NR3C2: variants seen among roughly 807,000 people sequenced by gnomAD.
NR3C2 encodes the protein nuclear receptor subfamily 3 group C member 2.
A neutral mutation model predicts 86.4 loss-of-function variants in NR3C2; 15 were observed. The observed-to-expected ratio is 0.17, with a 90% CI of 0.12 to 0.27. The LOEUF (loss-of-function observed/expected upper bound fraction) is 0.27. Among genes scored for constraint, NR3C2 ranks in the 10% least tolerant of loss-of-function variants. NR3C2 has a pLI of 1.00. For synonymous variants in NR3C2, 458 were observed against 450.5 expected (o/e 1.02, Z -0.21); for missense variants, 960 against 1,195.6 (o/e 0.80, Z 2.91).
At chr4:148,402,249 T>A (rs1045557876) in intron 2 of NR3C2, among the ~76,000 whole-genome samples, 1 of 152,218 alleles carries the variant, frequency 6.6e-6, no homozygotes, top group Non-Finnish European at 1.5e-5. Flanking sequence ...GATCAAATTA[T>A]GTTTCAGTAA....
intron 3 of NR3C2, among the ~76,000 whole-genome samples, chr4:148,216,954 G>A (rs1737570194): frequency 6.6e-6 from 1 of 152,182 alleles, no homozygotes; most frequent in African/African-American, 2.4e-5. Context: ...AGCCACATTT[G>A]CTGAAAGCCA....
intron 3 of NR3C2, among the ~76,000 whole-genome samples, chr4:148,212,683 G>A (rs1294334367): frequency 1.3e-5 from 2 of 152,190 alleles, no homozygotes; most frequent in Non-Finnish European, 1.5e-5. Context: ...TGAATAAAAT[G>A]AAAATTTAAA....
chr4:148,155,231 G>C (rs576724128), intron 4 of NR3C2, among the ~76,000 whole-genome samples: 1 of 152,148 alleles, frequency 6.6e-6, no homozygotes, highest in Non-Finnish European at 1.5e-5. Context: ...TCAGCCTAGT[G>C]GGGGAGGACT....
rs146611954 is a variant in NR3C2, at chr4:148,243,762, G to A, written c.1897+16216C>T. Among the ~76,000 whole-genome samples the A allele has an allele frequency of 1.9e-3, 292 of 152,262 alleles. 3 individuals are homozygous for A. The highest frequency in any genetic ancestry group is 2.6e-3 in the Non-Finnish European group (176 of 68,028). ...ATTCATAGATTAAAAACGTGCAGCC[G>A]CTATGATTTCTTACCATAGTATAGA... is the stretch of plus-strand genomic sequence containing the variant. On this transcript the variant is annotated intron_variant, in intron 3 of 8. Coordinates refer to ENST00000358102, the MANE Select transcript of NR3C2 (RefSeq NM_000901.5).
intron 2 of NR3C2, among the ~76,000 whole-genome samples, chr4:148,399,665 A>G (rs1748041736): frequency 6.8e-6 from 1 of 146,130 alleles, no homozygotes; most frequent in Non-Finnish European, 1.5e-5. Flanking sequence ...CATCATCGAC[A>G]AAGTTTCTAT....
chr4:148,191,105 TG>T (rs1226628089), intron 4 of NR3C2, among the ~76,000 whole-genome samples: 1 of 152,192 alleles, frequency 6.6e-6, no homozygotes. Context: ...AAAGAGGTTC[TG>T]TTTTGATGTA....
intron 6 of NR3C2, among the ~76,000 whole-genome samples, chr4:148,135,840 A>C (rs1733281818): frequency 6.6e-6 from 1 of 151,606 alleles, no homozygotes; most frequent in South Asian, 2.1e-4. Context: ...GCGGATCACG[A>C]GGTCAGGAGA....
intron 6 of NR3C2, among the ~76,000 whole-genome samples, chr4:148,138,107 G>A (rs1171406302): frequency 2.0e-5 from 3 of 152,160 alleles, no homozygotes; most frequent in Non-Finnish European, 4.4e-5. Flanking sequence ...AGGGTCCTGA[G>A]AACACACTGT....
At chr4:148,418,182 C>T (rs1371269365) in intron 2 of NR3C2, among the ~76,000 whole-genome samples, 1 of 152,196 alleles carries the variant, frequency 6.6e-6, no homozygotes, top group Non-Finnish European at 1.5e-5. Flanking sequence ...AAAACCATCA[C>T]AGTACATCAC....
intron 8 of NR3C2, among the ~76,000 whole-genome samples, chr4:148,108,510 T>C (rs761775210): frequency 1.1e-4 from 17 of 152,278 alleles, no homozygotes; most frequent in Non-Finnish European, 2.1e-4. Context: ...ACTACCCACC[T>C]TGCCCCTCTT....
intron 4 of NR3C2, among the ~76,000 whole-genome samples, chr4:148,160,687 AGAGGTTATATT>A (rs1156532090): frequency 6.6e-6 from 1 of 152,172 alleles, no homozygotes; most frequent in Non-Finnish European, 1.5e-5. Context: ...TAAACATTAG[AGAGGTTATATT>A]GAGGTTATAT....
At chr4:148,338,297 T>C (rs1248735257) in intron 2 of NR3C2, among the ~76,000 whole-genome samples, 1 of 152,218 alleles carries the variant, frequency 6.6e-6, no homozygotes, top group Non-Finnish European at 1.5e-5. Flanking sequence ...ACTAAAGTTA[T>C]CAACTTTTTC....
chr4:148,331,074 A>C (rs1744209827), intron 2 of NR3C2, among the ~76,000 whole-genome samples: 1 of 152,216 alleles, frequency 6.6e-6, no homozygotes, highest in African/African-American at 2.4e-5. Flanking sequence ...ATTCCTTTAT[A>C]ATAATGCAAA....
rs559575423 is a variant in NR3C2, at chr4:148,428,428, C to T, written c.1757+6676G>A. Among the ~76,000 whole-genome samples, 9 of 152,212 alleles carry T rather than the reference C, an allele frequency of 5.9e-5. 1 individual carries two copies. The highest frequency in any genetic ancestry group is 1.9e-4 in the African/African-American group (8 of 41,534). ...TCTAGAAAAGACTGAGGAACTATCC[C>T]AGACTAAAGAGACATGACAACTAAG... On this transcript the variant is annotated intron_variant, in intron 2 of 8. Coordinates refer to ENST00000358102, the MANE Select transcript of NR3C2 (RefSeq NM_000901.5).
At chr4:148,199,664 A>C (rs1366168510) in intron 3 of NR3C2, among the ~76,000 whole-genome samples, 1 of 152,176 alleles carries the variant, frequency 6.6e-6, no homozygotes, top group African/African-American at 2.4e-5. Context: ...AGGCCCTCGG[A>C]AAACAAGAAA....
intron 6 of NR3C2, among the ~76,000 whole-genome samples, chr4:148,126,479 GA>G (rs917965651): frequency 1.2e-4 from 19 of 152,092 alleles, no homozygotes; most frequent in African/African-American, 4.6e-4. Flanking sequence ...CAAATCTAGG[GA>G]AAAACCAGAG....
At chr4:148,189,909 G>A (rs907084722) in intron 4 of NR3C2, among the ~76,000 whole-genome samples, 1 of 152,104 alleles carries the variant, frequency 6.6e-6, no homozygotes. Context: ...CCTTAGTGAG[G>A]TTATTTGGAT....
At chr4:148,274,537 C>T (rs945446611) in intron 2 of NR3C2, among the ~76,000 whole-genome samples, 2 of 151,960 alleles carry the variant, frequency 1.3e-5, no homozygotes, top group Non-Finnish European at 2.9e-5. Context: ...GCTCCCCCCT[C>T]GCTCTTGCTC....
intron 2 of NR3C2, among the ~76,000 whole-genome samples, chr4:148,293,905 T>C (rs935873683): frequency 6.6e-6 from 1 of 152,188 alleles, no homozygotes; most frequent in Non-Finnish European, 1.5e-5. Context: ...TGGGTGCCTA[T>C]AATTTGCTCT....
Sources: gnomAD v4.1 joint callset for allele counts (sites outside exome capture counted in the v4.1 genomes callset) on GRCh38, gnomAD v4.1.1 for gene constraint, MANE v1.5 for transcripts, NCBI Gene and HGNC (gene_info 2026-07-23, HGNC 2026-07-21) for gene names.